LPP: variants seen among roughly 807,000 people sequenced by gnomAD.
LPP encodes LIM domain containing preferred translocation partner in lipoma, also known as lipoma-preferred partner.
In LPP, 38 loss-of-function variants were observed where a neutral mutation model predicts 60.4. The ratio of observed to expected loss-of-function variants is 0.63; its 90% CI spans 0.49 to 0.83. The LOEUF is 0.83. LPP is among the 40% of genes least tolerant of loss of function. The pLI is 0.00. For synonymous variants in LPP, 328 were observed against 290.8 expected, an observed-to-expected ratio of 1.13 and a Z score of -1.30; for missense variants, 902 against 783.6, an observed-to-expected ratio of 1.15 and a Z score of -1.80.
chr3:188,591,152 A>C (rs1838618952), intron 6 of LPP, among the ~76,000 whole-genome samples: 1 of 152,170 alleles, frequency 6.6e-6, no homozygotes, highest in African/African-American at 2.4e-5. Context: ...GGTCACTTGG[A>C]CACTTATGTT....
intron 6 of LPP, among the ~76,000 whole-genome samples, chr3:188,529,001 G>A (rs1250669482): frequency 6.6e-6 from 1 of 152,144 alleles, no homozygotes; most frequent in Admixed American, 6.5e-5. Flanking sequence ...CACTTTCGAT[G>A]TGCCTGTTCC....
intron 1 of LPP, among the ~76,000 whole-genome samples, chr3:188,209,497 T>C (rs1477615965): frequency 1.3e-5 from 2 of 152,200 alleles, no homozygotes; most frequent in African/African-American, 4.8e-5. Flanking sequence ...GATTAGCAAA[T>C]TGACCCTGCT....
At chr3:188,240,338 T>G (rs1723732298) in intron 2 of LPP, among the ~76,000 whole-genome samples, 1 of 148,328 alleles carries the variant, frequency 6.7e-6, no homozygotes, top group East Asian at 2.0e-4. Context: ...GAGTTTTGGG[T>G]AAGAGTGTGT....
intron 2 of LPP, among the ~76,000 whole-genome samples, chr3:188,326,296 C>T (rs1387441394): frequency 6.6e-6 from 1 of 152,178 alleles, no homozygotes; most frequent in Non-Finnish European, 1.5e-5. Context: ...GTGAGTAGAC[C>T]TATCACACAG....
intron 2 of LPP, among the ~76,000 whole-genome samples, chr3:188,251,769 C>T (rs546176963): frequency 5.8e-4 from 88 of 151,874 alleles, no homozygotes; most frequent in Middle Eastern, 6.8e-3. Context: ...TGTGTCTTTC[C>T]CCTATATCCC....
chr3:188,819,137 T>A (rs759497267), intron 9 of LPP, among the ~76,000 whole-genome samples: 19 of 151,858 alleles, frequency 1.3e-4, no homozygotes, highest in Non-Finnish European at 2.6e-4. Context: ...CTTAAAATGC[T>A]AAACACTTTA....
At chr3:188,236,747 A>AT (rs1189038746) in intron 2 of LPP, among the ~76,000 whole-genome samples, 2 of 152,226 alleles carry the variant, frequency 1.3e-5, no homozygotes, top group Non-Finnish European at 2.9e-5. Context: ...TTGCTAAAAT[A>AT]TGCTAGCAAT....
chr3:188,729,228 C>G (rs1473769759), intron 8 of LPP, among the ~76,000 whole-genome samples: 2 of 152,234 alleles, frequency 1.3e-5, no homozygotes, highest in African/African-American at 2.4e-5. Context: ...CCTAACAGAA[C>G]TTCTCTGTGG....
chr3:188,641,037 C>T (rs1392804616), intron 7 of LPP, among the ~76,000 whole-genome samples: 2 of 152,136 alleles, frequency 1.3e-5, no homozygotes, highest in Non-Finnish European at 2.9e-5. Flanking sequence ...CAAATCTCTC[C>T]AATCACAAGG....
chr3:188,426,997 G>A (rs749505999), intron 4 of LPP, among the ~76,000 whole-genome samples: 1 of 152,126 alleles, frequency 6.6e-6, no homozygotes, highest in Non-Finnish European at 1.5e-5. Context: ...TGTCTATGAT[G>A]CTAGCTGGTT....
At chr3:188,862,031 C>T (rs376836978) in intron 9 of LPP, among the ~76,000 whole-genome samples, 3 of 152,164 alleles carry the variant, frequency 2.0e-5, no homozygotes, top group Non-Finnish European at 2.9e-5. Flanking sequence ...TTCCACAGCT[C>T]GTTACCAATT....
intron 10 of LPP, among the ~76,000 whole-genome samples, chr3:188,869,034 C>T (rs894407675): frequency 1.3e-5 from 2 of 152,154 alleles, no homozygotes; most frequent in African/African-American, 2.4e-5. Flanking sequence ...TCACCTGGCT[C>T]TGTGGTCAGA....
intron 1 of LPP, among the ~76,000 whole-genome samples, chr3:188,185,269 G>A (rs1356286778): frequency 6.6e-6 from 1 of 151,814 alleles, no homozygotes; most frequent in Non-Finnish European, 1.5e-5. Context: ...CGGGGAGCGG[G>A]CGGGGTGGGG....
intron 4 of LPP, among the ~76,000 whole-genome samples, chr3:188,445,332 C>A (rs935743003): frequency 2.6e-5 from 4 of 152,148 alleles, no homozygotes; most frequent in Admixed American, 2.6e-4. Flanking sequence ...AGTTCATGTC[C>A]TTTGCAGGGA....
chr3:188,299,431 C>T lies in LPP; in HGVS notation c.-66-42232C>T, dbSNP rs890683978. Among the ~76,000 whole-genome samples the T allele has an allele frequency of 3.9e-5, 6 of 152,180 alleles. No individual in the cohort carries two copies. In the South Asian group the frequency reaches 6.2e-4, roughly 16 times the overall value. On this transcript the variant is annotated intron_variant, in intron 2 of 11. Transcript: ENST00000617246. The stretch of plus-strand genomic sequence containing the variant: ...TGACTATAATTCTCCCTCAGCATTA[C>T]GTCGTCTTAAGCAGCTTTTGAATCT...
intron 2 of LPP, among the ~76,000 whole-genome samples, chr3:188,340,570 T>G (rs1012407127): frequency 3.9e-5 from 6 of 152,130 alleles, no homozygotes; most frequent in Admixed American, 2.0e-4. Flanking sequence ...AAAACAAATT[T>G]GCTTTGTTCT....
chr3:188,438,790 CTTA>C (rs1316750783), intron 4 of LPP, among the ~76,000 whole-genome samples: 1 of 152,194 alleles, frequency 6.6e-6, no homozygotes, highest in Non-Finnish European at 1.5e-5. Flanking sequence ...GGATAGGACA[CTTA>C]TTATAGTTGT....
chr3:188,557,332 C>T (rs951800868), intron 6 of LPP, among the ~76,000 whole-genome samples: 4 of 152,138 alleles, frequency 2.6e-5, no homozygotes, highest in African/African-American at 7.2e-5. Context: ...TCTTGAAAAG[C>T]GGTTTTGCAA....
At chr3:188,315,784 G>T (rs1376381128) in intron 2 of LPP, among the ~76,000 whole-genome samples, 1 of 152,130 alleles carries the variant, frequency 6.6e-6, no homozygotes, top group Non-Finnish European at 1.5e-5. Context: ...GGAATTTGTG[G>T]CTGATTCAGT....
Sources: gnomAD v4.1 joint callset for allele counts (sites outside exome capture counted in the v4.1 genomes callset) on GRCh38, gnomAD v4.1.1 for gene constraint, MANE v1.5 for transcripts, NCBI Gene and HGNC (gene_info 2026-07-23, HGNC 2026-07-21) for gene names.